The following IFT52 variants were observed in gnomAD, a reference collection of about 807,000 sequenced individuals.
The protein encoded by IFT52 is intraflagellar transport 52.
A neutral mutation model predicts 54.4 loss-of-function variants in IFT52; 44 were observed. That is an observed-to-expected ratio of 0.81 (90% confidence interval 0.63 to 1.04). The LOEUF is 1.04. Ranked by LOEUF, IFT52 falls within the 50% of genes least tolerant of loss-of-function variation. The pLI, the probability that IFT52 is intolerant of heterozygous loss-of-function variation, is 0.00. For synonymous variants in IFT52, 181 were observed against 185.3 expected, an observed-to-expected ratio of 0.98 and a Z score of 0.19; for missense variants, 452 against 523.6, an observed-to-expected ratio of 0.86 and a Z score of 1.33.
At chr20:43,618,627 G>T (rs1409345084) in intron 7 of IFT52, among the ~76,000 whole-genome samples, 1 of 148,320 alleles carries the variant, frequency 6.7e-6, no homozygotes, top group South Asian at 2.2e-4. Context: ...GACTACAGGC[G>T]CATGCCACCA....
intron 12 of IFT52, among the ~76,000 whole-genome samples, chr20:43,638,164 C>T (rs999595127): frequency 4.0e-5 from 6 of 150,882 alleles, no homozygotes; most frequent in Non-Finnish European, 8.8e-5. Context: ...AGTGACCCCA[C>T]TCCTGGAACT....
In IFT52 at chr20:43,626,099, G is replaced by A. The variant is rs1043252359; in HGVS notation, c.923+2054G>A. Among the ~76,000 whole-genome samples the A allele has an allele frequency of 6.6e-5, 10 of 150,988 alleles. No individual in the cohort carries two copies. The South Asian group carries it at 2.1e-3, about 32-fold the overall frequency. On this transcript the variant is annotated intron_variant, in intron 10 of 13. Transcript: ENST00000373030. Reference sequence around the variant, plus strand: ...AGTAGATTTTGCAGGAAGAGCAGAAGTTCAGTTTGAGGTATATGGAGTTGA... The same window carrying A: ...AGTAGATTTTGCAGGAAGAGCAGAAATTCAGTTTGAGGTATATGGAGTTGA...
chr20:43,621,439 G>C lies in IFT52; in HGVS notation c.768+514G>C, dbSNP rs552119226. On this transcript the variant is annotated intron_variant, in intron 9 of 13. Coordinates refer to ENST00000373030, the MANE Select transcript of IFT52 (RefSeq NM_016004.5). ...TTCTTTCTGACCATTTTTCATCCTA[G>C]TTTTCTTTATTAAAAAAATTTTTTA... 7.2e-5 allele frequency among the ~76,000 whole-genome samples: 11 copies of C among 152,074 alleles called. No homozygotes were observed. In the East Asian group the frequency reaches 7.7e-4, roughly 11 times the overall value.
chr20:43,637,183 T>C lies in IFT52; in HGVS notation c.1050T>C (p.Pro350=). 1 of 1,611,486 alleles carries C rather than the reference T, an allele frequency of 6.2e-7. No homozygotes were observed. Among genetic ancestry groups the C allele is most frequent in the Non-Finnish European group, 8.5e-7 (1 of 1,179,052 alleles). ...GTTTCCGGGAGTTACCACCTCCTCC[T>C]CTGGAGCTATTTGATTTAGATGAAA... is the stretch of plus-strand genomic sequence containing the variant. ...PPSFRELPPP[P]LELFDLDETF... Residue 350 remains proline (P), a synonymous_variant, in exon 12 of 14, where the codon CCT becomes CCC. Transcript: ENST00000373030.
intron 2 of IFT52, among the ~76,000 whole-genome samples, chr20:43,595,023 G>A (rs141338384): frequency 1.3e-5 from 2 of 151,464 alleles, no homozygotes; most frequent in Admixed American, 1.3e-4. Context: ...ACGAGGTCAA[G>A]AGATCAAGAC....
intron 3 of IFT52, among the ~76,000 whole-genome samples, chr20:43,601,185 G>T (rs968280912): frequency 2.1e-4 from 32 of 151,950 alleles, no homozygotes; most frequent in African/African-American, 7.5e-4. Context: ...TTAATATTTT[G>T]CCATATTAAT....
At chr20:43,627,637 A>AAAAATGGATAATGTAGGAGAGAGCGAGG (rs1348150078) in intron 10 of IFT52, among the ~76,000 whole-genome samples, 2 of 152,220 alleles carry the variant, frequency 1.3e-5, no homozygotes, top group African/African-American at 4.8e-5. Context: ...CAGTAGAGAG[A>AAAAATGGATAATGTAGGAGAGAGCGAGG]AAAATGGATA....
chr20:43,600,419 C>G (rs1011108374), intron 3 of IFT52, among the ~76,000 whole-genome samples: 1 of 151,916 alleles, frequency 6.6e-6, no homozygotes, highest in Non-Finnish European at 1.5e-5. Context: ...ATTCTCCTGC[C>G]TCAGCCTTCC....
intron 9 of IFT52, among the ~76,000 whole-genome samples, chr20:43,623,217 C>T (rs1236154280): frequency 2.0e-5 from 3 of 152,150 alleles, no homozygotes; most frequent in Non-Finnish European, 4.4e-5. Flanking sequence ...CAAAGTCTTA[C>T]TGTGTCACCC....
At chr20:43,593,940 G>A (rs1465024828) in intron 1 of IFT52, among the ~76,000 whole-genome samples, 1 of 152,092 alleles carries the variant, frequency 6.6e-6, no homozygotes, top group Non-Finnish European at 1.5e-5. Context: ...AAGGTTAGGT[G>A]AAACAGGTGT....
In IFT52 at chr20:43,613,947, A is replaced by C. The variant is rs1374316969; in HGVS notation, c.583A>C (p.Arg195=). 1.2e-6 allele frequency: 2 copies of C among 1,613,964 alleles called. No homozygotes were observed. Among genetic ancestry groups the C allele is most frequent in the Non-Finnish European group, 1.7e-6 (2 of 1,179,950 alleles). The change falls in exon 7 of 14, where the codon AGA becomes CGA. Residue 195 remains arginine (R), a synonymous_variant. Transcript: ENST00000373030. ...STGSVCFPLN[R]PILAFYHSKN... is the part of the protein sequence containing the mutation. ...AGGTTCTGTCTGCTTCCCACTTAAC[A>C]GACCCATTTTGGCTTTCTATCACTC... is the stretch of plus-strand genomic sequence containing the variant.
intron 12 of IFT52, among the ~76,000 whole-genome samples, chr20:43,639,025 TCA>T (rs1315974536): frequency 6.6e-6 from 1 of 152,172 alleles, no homozygotes. Context: ...CCAGGAGGAA[TCA>T]CAGAACGGTG....
chr20:43,619,167 G>A (rs1412881828), intron 8 of IFT52, 141 bp downstream of exon 8: 3 of 636,462 alleles, frequency 4.7e-6, no homozygotes, highest in East Asian at 5.6e-5. Flanking sequence ...ATACAAAGTC[G>A]AGTCAGGCAT....
At chr20:43,595,468 A>G (rs933594793) in intron 2 of IFT52, among the ~76,000 whole-genome samples, 2 of 151,630 alleles carry the variant, frequency 1.3e-5, no homozygotes, top group South Asian at 4.2e-4. Context: ...AGAATCGCTT[A>G]AATCCAGGAG....
At chr20:43,628,830 G>A (rs972098804) in intron 10 of IFT52, among the ~76,000 whole-genome samples, 14 of 148,576 alleles carry the variant, frequency 9.4e-5, no homozygotes, top group African/African-American at 2.7e-4. Flanking sequence ...CAGCCTGGGC[G>A]ACAGGCAGAG....
intron 10 of IFT52, among the ~76,000 whole-genome samples, chr20:43,627,991 A>G (rs1984872514): frequency 2.1e-5 from 3 of 145,428 alleles, no homozygotes; most frequent in African/African-American, 7.8e-5. Flanking sequence ...CAGAGGCACG[A>G]TCTCGGCTCA....
At chr20:43,609,030 G>C (rs1422517364) in intron 6 of IFT52, among the ~76,000 whole-genome samples, 2 of 151,520 alleles carry the variant, frequency 1.3e-5, no homozygotes, top group African/African-American at 4.9e-5. Flanking sequence ...GAGGCTAAGA[G>C]TTCAAGACCA....
At chr20:43,621,242 C>A (rs1984278389) in intron 9 of IFT52, among the ~76,000 whole-genome samples, 1 of 152,114 alleles carries the variant, frequency 6.6e-6, no homozygotes, top group African/African-American at 2.4e-5. Flanking sequence ...TTTCAGAAAT[C>A]TGAAATTTTC....
At chr20:43,609,359 G>A (rs2145611329) in intron 6 of IFT52, among the ~76,000 whole-genome samples, 1 of 152,278 alleles carries the variant, frequency 6.6e-6, no homozygotes, top group Middle Eastern at 3.4e-3. Context: ...TAGTAAAAGT[G>A]GCATTTCAAA....
Sources: allele counts gnomAD v4.1 joint callset (sites outside exome capture counted in the v4.1 genomes callset), GRCh38; gene constraint gnomAD v4.1.1; transcripts MANE v1.5; gene names NCBI Gene and HGNC (gene_info 2026-07-23, HGNC 2026-07-21).